The following NTRK2 variants were observed in gnomAD, a reference collection of about 807,000 sequenced individuals.
The protein encoded by NTRK2 is neurotrophic receptor tyrosine kinase 2, also known as BDNF/NT-3 growth factors receptor.
NTRK2 carries 13 observed loss-of-function variants against 94.5 expected under a neutral mutation model. The ratio of observed to expected loss-of-function variants is 0.14; its 90% CI spans 0.09 to 0.22. NTRK2 has a LOEUF of 0.22. Among genes scored for constraint, NTRK2 ranks in the 10% least tolerant of loss-of-function variants. The probability of loss-of-function intolerance (pLI) is 1.00; values close to 1 mark genes in which losing one functional copy is unlikely to be tolerated. For missense variants in NTRK2, 639 were observed against 1,071.2 expected (o/e 0.60, Z 5.63); for synonymous variants, 372 against 407.4 (o/e 0.91, Z 1.05).
intron 12 of NTRK2, among the ~76,000 whole-genome samples, chr9:84,843,027 G>A (rs950954055): frequency 6.6e-6 from 1 of 152,186 alleles, no homozygotes; most frequent in Non-Finnish European, 1.5e-5. Flanking sequence ...TTTGCTGTCT[G>A]TGTGGCTGAA....
At chr9:84,984,463 C>A (rs927025468) in intron 17 of NTRK2, among the ~76,000 whole-genome samples, 1 of 150,162 alleles carries the variant, frequency 6.7e-6, no homozygotes, top group African/African-American at 2.5e-5. Context: ...CAGAGCGAGA[C>A]TATATCTCAA....
intron 17 of NTRK2, among the ~76,000 whole-genome samples, chr9:84,990,456 T>C (rs1008180073): frequency 1.3e-5 from 2 of 152,240 alleles, no homozygotes; most frequent in African/African-American, 4.8e-5. Flanking sequence ...GTATTCATTC[T>C]CGAAGCCCAG....
intron 13 of NTRK2, among the ~76,000 whole-genome samples, chr9:84,866,884 C>T (rs2132051745): frequency 6.6e-6 from 1 of 152,128 alleles, no homozygotes; most frequent in African/African-American, 2.4e-5. Flanking sequence ...TTAGGCAATA[C>T]AAAGAAAGGA....
chr9:84,812,460 G>A (rs200060742), intron 12 of NTRK2: 25 of 1,052,610 alleles, frequency 2.4e-5, no homozygotes, highest in Admixed American at 1.1e-4. Flanking sequence ...GGGGAGGTCC[G>A]AACATTTTCT....
At chr9:84,964,176 T>C (rs986932072) in intron 17 of NTRK2, among the ~76,000 whole-genome samples, 9 of 152,212 alleles carry the variant, frequency 5.9e-5, no homozygotes, top group African/African-American at 1.9e-4. Flanking sequence ...ATGCTGGATG[T>C]TTTTGTATTC....
intron 12 of NTRK2, among the ~76,000 whole-genome samples, chr9:84,795,681 A>T (rs1368784170): frequency 6.6e-6 from 1 of 152,152 alleles, no homozygotes; most frequent in Non-Finnish European, 1.5e-5. Context: ...ACAGTGCCTC[A>T]TCCTCAGCGT....
At chr9:84,857,716 A>T (rs962549391) in intron 12 of NTRK2, among the ~76,000 whole-genome samples, 2 of 152,226 alleles carry the variant, frequency 1.3e-5, no homozygotes, top group African/African-American at 4.8e-5. Context: ...TAATTTTGTC[A>T]AAAGTTGGCC....
intron 12 of NTRK2, chr9:84,815,037 G>C (rs1214156166): frequency 9.4e-7 from 1 of 1,059,168 alleles, no homozygotes; most frequent in Non-Finnish European, 1.1e-6. Flanking sequence ...GGTGCTGCCA[G>C]ACTGAATTTG....
chr9:84,692,236 G>A (rs149931164), intron 2 of NTRK2, among the ~76,000 whole-genome samples: 2 of 152,038 alleles, frequency 1.3e-5, no homozygotes, highest in East Asian at 3.9e-4. Flanking sequence ...AAAAAAAATT[G>A]TCAGAAAAAA....
intron 12 of NTRK2, among the ~76,000 whole-genome samples, chr9:84,757,403 T>C (rs2065178837): frequency 2.0e-5 from 3 of 152,234 alleles, no homozygotes; most frequent in Admixed American, 2.0e-4. Flanking sequence ...ATAATACCAG[T>C]CTTGTTCTGC....
intron 12 of NTRK2, chr9:84,812,253 T>C: frequency 2.8e-6 from 3 of 1,056,462 alleles, no homozygotes; most frequent in Non-Finnish European, 3.4e-6. Context: ...TTATACTGCA[T>C]CCTTTACATT....
intron 14 of NTRK2, among the ~76,000 whole-genome samples, chr9:84,913,789 A>C (rs2077313450): frequency 6.6e-6 from 1 of 151,864 alleles, no homozygotes; most frequent in South Asian, 2.1e-4. Flanking sequence ...GCTTGTTTGG[A>C]GTTCACTCCT....
Position 84,957,923 on chromosome 9 carries a change from AG to A in NTRK2, c.2172+2407del, listed in dbSNP as rs546843534. ...ATTATTCAGCAGTACAAAAGAATAA[AG>A]TACTGATTCATGCTGCAACACAGAT... On this transcript the variant is annotated intron_variant, in intron 17 of 18. Coordinates refer to ENST00000277120, the MANE Select transcript of NTRK2 (RefSeq NM_006180.6). 1.8e-3 allele frequency among the ~76,000 whole-genome samples: 274 copies of A among 152,380 alleles called. 3 individuals are homozygous for A. Among genetic ancestry groups the A allele is most frequent in the Non-Finnish European group, 1.2e-3 (83 of 68,042 alleles).
Position 85,021,413 on chromosome 9 carries a change from G to A in NTRK2, c.2493G>A (p.Pro831=), listed in dbSNP as rs75066745. Residue 831 remains proline, a synonymous_variant, in exon 19 of 19, where the codon CCG becomes CCA. Transcript: ENST00000277120. ...TLLQNLAKAS[P]VYLDILG is the part of the protein sequence containing the mutation. ...TTCAGAACTTGGCCAAGGCATCTCC[G>A]GTCTACCTGGACATTCTAGGCTAGG... The A allele has an allele frequency of 3.5e-5, 56 of 1,613,988 alleles. No individual in the cohort carries two copies. The highest frequency in any genetic ancestry group is 5.3e-5 in the African/African-American group (4 of 74,908).
intron 12 of NTRK2, among the ~76,000 whole-genome samples, chr9:84,769,348 C>T (rs1432346595): frequency 2.0e-5 from 3 of 152,202 alleles, no homozygotes; most frequent in Non-Finnish European, 4.4e-5. Flanking sequence ...ATGACCCAAT[C>T]TACCTACCCA....
At chr9:84,859,239 G>GCTCTTC (rs2075215821) in intron 12 of NTRK2, among the ~76,000 whole-genome samples, 1 of 152,204 alleles carries the variant, frequency 6.6e-6, no homozygotes, top group African/African-American at 2.4e-5. Context: ...GTTAGGTGGA[G>GCTCTTC]CCACACCAAT....
chr9:84,849,512 G>GAA (rs2074648182), intron 12 of NTRK2, among the ~76,000 whole-genome samples: 1 of 152,184 alleles, frequency 6.6e-6, no homozygotes, highest in Non-Finnish European at 1.5e-5. Flanking sequence ...ATGCAATGGT[G>GAA]AAAAGTTGCA....
chr9:84,994,118 A>C (rs1829438874), intron 17 of NTRK2, among the ~76,000 whole-genome samples: 1 of 152,196 alleles, frequency 6.6e-6, no homozygotes, highest in Non-Finnish European at 1.5e-5. Flanking sequence ...ACTTTCACCC[A>C]CCAAGAACTA....
At chr9:84,943,544 C>T (rs887999806) in intron 15 of NTRK2, among the ~76,000 whole-genome samples, 13 of 152,028 alleles carry the variant, frequency 8.6e-5, no homozygotes, top group African/African-American at 3.1e-4. Context: ...TCAGGAAATT[C>T]ACCAGGAATA....
Sources: gnomAD v4.1 joint callset for allele counts (sites outside exome capture counted in the v4.1 genomes callset) on GRCh38, gnomAD v4.1.1 for gene constraint, MANE v1.5 for transcripts, NCBI Gene and HGNC (gene_info 2026-07-23, HGNC 2026-07-21) for gene names.